RAD51B: variants seen among roughly 807,000 people sequenced by gnomAD.
RAD51B encodes the protein RAD51 paralog B, also known as DNA repair protein RAD51 homolog 2.
RAD51B carries 38 observed loss-of-function variants against 42.2 expected under a neutral mutation model. The ratio of observed to expected loss-of-function variants is 0.90; its 90% CI spans 0.70 to 1.18. The LOEUF is 1.18. Ranked by LOEUF, RAD51B falls within the 50% of genes most tolerant of loss-of-function variation. The pLI, the probability that RAD51B is intolerant of heterozygous loss-of-function variation, is 0.00. For missense variants in RAD51B, 373 were observed against 400.7 expected (o/e 0.93, Z 0.59); for synonymous variants, 154 against 145.2 (o/e 1.06, Z -0.43).
At chr14:68,352,327 G>A (rs1287744111) in intron 8 of RAD51B, among the ~76,000 whole-genome samples, 1 of 152,136 alleles carries the variant, frequency 6.6e-6, no homozygotes, top group African/African-American at 2.4e-5. Context: ...TTTTCCTCTG[G>A]CCAGGTCTGA....
At chr14:67,952,583 T>C (rs1488286450) in intron 7 of RAD51B, among the ~76,000 whole-genome samples, 1 of 151,932 alleles carries the variant, frequency 6.6e-6, no homozygotes, top group Non-Finnish European at 1.5e-5. Context: ...GGACAGATGC[T>C]ATAGCTGCTT....
At chr14:68,558,609 C>T (rs1377608205) in intron 10 of RAD51B, among the ~76,000 whole-genome samples, 2 of 152,162 alleles carry the variant, frequency 1.3e-5, no homozygotes, top group Non-Finnish European at 2.9e-5. Context: ...GTCATCTTCA[C>T]GTGGCCCTTC....
chr14:68,360,480 G>A (rs938477442), intron 8 of RAD51B, among the ~76,000 whole-genome samples: 3 of 152,260 alleles, frequency 2.0e-5, no homozygotes, highest in Non-Finnish European at 2.9e-5. Flanking sequence ...AGTGGCAGCA[G>A]TAGTCTTCGT....
intron 7 of RAD51B, among the ~76,000 whole-genome samples, chr14:68,161,531 G>C (rs2078638663): frequency 6.6e-6 from 1 of 152,132 alleles, no homozygotes. Context: ...GTCAGGGACT[G>C]GATTGAGAGT....
chr14:67,888,759 C>T (rs189261909), intron 7 of RAD51B, among the ~76,000 whole-genome samples: 11 of 152,024 alleles, frequency 7.2e-5, no homozygotes, highest in Admixed American at 2.6e-4. Flanking sequence ...TTAAAGTATA[C>T]CAGAGAATGT....
intron 11 of RAD51B, among the ~76,000 whole-genome samples, chr14:68,671,059 C>T (rs1412436114): frequency 3.3e-5 from 5 of 152,160 alleles, no homozygotes; most frequent in Admixed American, 1.3e-4. Context: ...ACAGCCCAAA[C>T]GCCTGATCCA....
At chr14:67,990,419 G>T (rs1189651166) in intron 7 of RAD51B, among the ~76,000 whole-genome samples, 2 of 152,174 alleles carry the variant, frequency 1.3e-5, no homozygotes, top group Non-Finnish European at 2.9e-5. Flanking sequence ...AATATTTCAT[G>T]TGTTTTTATC....
At chr14:67,985,351 G>A (rs1191753623) in intron 7 of RAD51B, among the ~76,000 whole-genome samples, 1 of 152,150 alleles carries the variant, frequency 6.6e-6, no homozygotes, top group Non-Finnish European at 1.5e-5. Flanking sequence ...ATTATAAGAT[G>A]TTATGTAAGA....
rs545345223 is a variant in RAD51B, at chr14:68,454,274, A to G, written c.958-13898A>G. 7.2e-5 allele frequency among the ~76,000 whole-genome samples: 11 copies of G among 152,308 alleles called. No homozygotes were observed. In the East Asian group the frequency reaches 1.9e-3, roughly 27 times the overall value. Reference sequence around the variant, plus strand: ...CAGGATGTTTACATTTTGGCTTAGGAGACTCAATTTTCAGCATAGTGGAAT... The same window carrying G: ...CAGGATGTTTACATTTTGGCTTAGGGGACTCAATTTTCAGCATAGTGGAAT... On this transcript the variant is annotated intron_variant, in intron 9 of 10. Transcript: ENST00000471583.
chr14:68,643,681 C>G (rs1892509528), intron 10 of RAD51B, among the ~76,000 whole-genome samples: 1 of 152,180 alleles, frequency 6.6e-6, no homozygotes, highest in Non-Finnish European at 1.5e-5. Flanking sequence ...GAACATATAA[C>G]TCACTTAAAA....
At chr14:67,928,751 A>G (rs2044622375) in intron 7 of RAD51B, among the ~76,000 whole-genome samples, 1 of 151,920 alleles carries the variant, frequency 6.6e-6, no homozygotes, top group Admixed American at 6.6e-5. Flanking sequence ...TAGAAAAGAA[A>G]TGGTTTGGGG....
chr14:68,282,343 A>G (rs563029094), intron 7 of RAD51B, among the ~76,000 whole-genome samples: 7 of 152,228 alleles, frequency 4.6e-5, no homozygotes, highest in African/African-American at 1.7e-4. Flanking sequence ...GTTAGTAACC[A>G]TGATAGAAGA....
intron 10 of RAD51B, among the ~76,000 whole-genome samples, chr14:68,544,659 A>G (rs1888131051): frequency 6.6e-6 from 1 of 152,242 alleles, no homozygotes; most frequent in South Asian, 2.1e-4. Context: ...GAAAAAAGAA[A>G]GGAGGACCAG....
chr14:68,603,829 T>A (rs1446565211), intron 10 of RAD51B, among the ~76,000 whole-genome samples: 1 of 152,248 alleles, frequency 6.6e-6, no homozygotes, highest in African/African-American at 2.4e-5. Flanking sequence ...GCGGCCGCGC[T>A]GGCCCCCTGT....
intron 7 of RAD51B, among the ~76,000 whole-genome samples, chr14:68,274,511 C>T (rs1000232576): frequency 6.6e-6 from 1 of 152,138 alleles, no homozygotes; most frequent in South Asian, 2.1e-4. Flanking sequence ...AATCAGATTT[C>T]CCTGATTGTC....
At chr14:68,176,228 C>T (rs908995515) in intron 7 of RAD51B, among the ~76,000 whole-genome samples, 11 of 152,258 alleles carry the variant, frequency 7.2e-5, no homozygotes, top group South Asian at 4.1e-4. Flanking sequence ...CCAAGTAACA[C>T]GTATCTATTT....
chr14:68,187,446 G>A (rs2079180747), intron 7 of RAD51B, among the ~76,000 whole-genome samples: 1 of 152,146 alleles, frequency 6.6e-6, no homozygotes. Flanking sequence ...CTTGTTAGTG[G>A]TGACACCCAC....
At chr14:68,496,642 T>C (rs1174158377) in intron 10 of RAD51B, among the ~76,000 whole-genome samples, 3 of 152,244 alleles carry the variant, frequency 2.0e-5, no homozygotes, top group Non-Finnish European at 4.4e-5. Context: ...GTCTTCTCCA[T>C]CCAGTGGCCT....
intron 9 of RAD51B, among the ~76,000 whole-genome samples, chr14:68,434,413 C>T (rs1023760980): frequency 7.2e-5 from 11 of 152,188 alleles, no homozygotes; most frequent in Non-Finnish European, 1.6e-4. Flanking sequence ...TTCCCCGCCA[C>T]TTTGTTTACC....
Sources: gnomAD v4.1 joint callset for allele counts (sites outside exome capture counted in the v4.1 genomes callset) on GRCh38, gnomAD v4.1.1 for gene constraint, MANE v1.5 for transcripts, NCBI Gene and HGNC (gene_info 2026-07-23, HGNC 2026-07-21) for gene names.